Variants in FOXP1 observed in about 807,000 individuals in gnomAD.
The protein encoded by FOXP1 is forkhead box protein P1.
Under a neutral mutation model 98.2 loss-of-function variants are expected in FOXP1, and 15 were observed. The observed-to-expected ratio is 0.15, with a 90% CI of 0.10 to 0.24. The LOEUF is 0.24. Ranked by LOEUF, FOXP1 falls within the 10% of genes least tolerant of loss-of-function variation. The probability of loss-of-function intolerance (pLI) is 1.00; values close to 1 mark genes in which losing one functional copy is unlikely to be tolerated. For missense variants in FOXP1, 633 were observed against 848.5 expected (o/e 0.75, Z 3.15); for synonymous variants, 371 against 314.5 (o/e 1.18, Z -1.90).
At chr3:71,275,312 A>G (rs1347993444) in intron 5 of FOXP1, among the ~76,000 whole-genome samples, 7 of 152,114 alleles carry the variant, frequency 4.6e-5, no homozygotes, top group Non-Finnish European at 1.5e-5. Context: ...CCTGACAGAC[A>G]TTTATGGAAT....
At chr3:70,985,052 AT>A (rs1227787596) in intron 14 of FOXP1, among the ~76,000 whole-genome samples, 3 of 152,248 alleles carry the variant, frequency 2.0e-5, no homozygotes, top group Non-Finnish European at 2.9e-5. Flanking sequence ...ACAGCAAAGC[AT>A]TCTATCACTT....
intron 12 of FOXP1, among the ~76,000 whole-genome samples, chr3:71,003,824 C>T (rs144432826): frequency 3.9e-4 from 59 of 152,066 alleles, no homozygotes; most frequent in African/African-American, 1.3e-3. Flanking sequence ...TCACAAATAC[C>T]CTTTCATTTC....
intron 7 of FOXP1, among the ~76,000 whole-genome samples, chr3:71,072,447 C>A (rs1159822314): frequency 6.6e-6 from 1 of 152,098 alleles, no homozygotes; most frequent in Non-Finnish European, 1.5e-5. Flanking sequence ...GGAACAACAA[C>A]CAAAAAAATG....
chr3:71,579,632 C>CTTTTTTTTTTTTTTTTTTTTTT (rs35646548), intron 2 of FOXP1, among the ~76,000 whole-genome samples: 3 of 123,000 alleles, frequency 2.4e-5, no homozygotes, highest in Non-Finnish European at 4.9e-5. Context: ...TTTCTTTTTT[C>CTTTTTTTTTTTTTTTTTTTTTT]TTTTTTTTTT....
At chr3:71,227,853 A>G (rs1045192200) in intron 5 of FOXP1, among the ~76,000 whole-genome samples, 1 of 152,150 alleles carries the variant, frequency 6.6e-6, no homozygotes, top group African/African-American at 2.4e-5. Context: ...AAGAGGAAGG[A>G]GGAGTGCCTT....
At chr3:71,383,709 G>T (rs184100619) in intron 3 of FOXP1, among the ~76,000 whole-genome samples, 1 of 152,144 alleles carries the variant, frequency 6.6e-6, no homozygotes. Context: ...TTGACACATC[G>T]CTTGAAACAT....
chr3:71,575,117 T>TC (rs2107832883), intron 2 of FOXP1, among the ~76,000 whole-genome samples: 2 of 151,602 alleles, frequency 1.3e-5, no homozygotes, highest in South Asian at 4.2e-4. Context: ...CATCCAGGAG[T>TC]CGTGCAACTG....
chr3:71,459,650 T>C (rs559138844), intron 3 of FOXP1, among the ~76,000 whole-genome samples: 127 of 152,322 alleles, frequency 8.3e-4, no homozygotes, highest in Non-Finnish European at 1.5e-3. Flanking sequence ...CAAATAAATA[T>C]TCCATTCAAA....
chr3:71,167,599 CTG>C (rs1413855547), intron 6 of FOXP1, among the ~76,000 whole-genome samples: 1 of 152,176 alleles, frequency 6.6e-6, no homozygotes, highest in East Asian at 1.9e-4. Flanking sequence ...ATCTCTGACA[CTG>C]TGTGTCAGTG....
At chr3:71,146,677 C>T (rs760985309) in intron 6 of FOXP1, among the ~76,000 whole-genome samples, 7 of 151,044 alleles carry the variant, frequency 4.6e-5, no homozygotes, top group Non-Finnish European at 8.8e-5. Context: ...CTCCGAAATT[C>T]AGATACTTTT....
intron 5 of FOXP1, among the ~76,000 whole-genome samples, chr3:71,269,619 C>T (rs1349401753): frequency 1.3e-5 from 2 of 152,116 alleles, no homozygotes; most frequent in African/African-American, 2.4e-5. Flanking sequence ...GTAAGTAAAT[C>T]AAAGCTTTGA....
chr3:71,027,309 T>C (rs768549381), intron 11 of FOXP1, among the ~76,000 whole-genome samples: 2 of 152,202 alleles, frequency 1.3e-5, no homozygotes, highest in Admixed American at 6.5e-5. Context: ...CTCCCCAGTA[T>C]GCTATGGAAG....
chr3:71,241,392 T>C (rs913872728), intron 5 of FOXP1, among the ~76,000 whole-genome samples: 1 of 151,786 alleles, frequency 6.6e-6, no homozygotes, highest in African/African-American at 2.4e-5. Context: ...TAGGGGCGAG[T>C]GGAGAGCATT....
At chr3:71,583,856 C>T, upstream of FOXP1, 1 of 985,934 alleles carries the variant, frequency 1.0e-6, no homozygotes, top group Non-Finnish European at 1.2e-6. Context: ...CCCGGGGGCG[C>T]ACCCCGGCCC....
chr3:71,285,637 T>C lies in FOXP1; in HGVS notation c.-12+14183A>G, dbSNP rs57393999. On this transcript the variant is annotated intron_variant, in intron 5 of 20. Transcript: ENST00000649528. ...AGAAATTAAATCCGAGAAAGGGTCATGTACATAAAAATAATACACCTTGGT... is the reference window on the plus strand; with the variant it reads ...AGAAATTAAATCCGAGAAAGGGTCACGTACATAAAAATAATACACCTTGGT... Among the ~76,000 whole-genome samples, 817 of 152,356 alleles carry C rather than the reference T, an allele frequency of 5.4e-3. 7 individuals carry two copies. The highest frequency in any genetic ancestry group is 0.019 in the African/African-American group (783 of 41,588).
At chr3:71,094,278 CTT>C (rs1180804992) in intron 7 of FOXP1, among the ~76,000 whole-genome samples, 6 of 127,818 alleles carry the variant, frequency 4.7e-5, no homozygotes, top group Non-Finnish European at 8.3e-5. Flanking sequence ...TTTTTCTTTT[CTT>C]TTTTTTTTTT....
chr3:71,343,254 G>A (rs1378093902), intron 4 of FOXP1, among the ~76,000 whole-genome samples: 2 of 152,166 alleles, frequency 1.3e-5, no homozygotes, highest in Non-Finnish European at 2.9e-5. Context: ...ACAGAATGTA[G>A]CCTACTCTAA....
chr3:71,463,354 CAAAAAAAAA>C (rs60302484), intron 3 of FOXP1, among the ~76,000 whole-genome samples: 15 of 65,366 alleles, frequency 2.3e-4, no homozygotes, highest in South Asian at 6.0e-4. Context: ...GACACTGTCT[CAAAAAAAAA>C]AAAAAAAAAA....
At chr3:71,299,682 T>C (rs1036683160) in intron 5 of FOXP1, 138 bp downstream of exon 5, 2 of 152,532 alleles carry the variant, frequency 1.3e-5, no homozygotes, top group African/African-American at 2.4e-5. Flanking sequence ...CCTCCAAAAA[T>C]ACACCACATA....
Sources: gnomAD v4.1 joint callset for allele counts (sites outside exome capture counted in the v4.1 genomes callset) on GRCh38, gnomAD v4.1.1 for gene constraint, MANE v1.5 for transcripts, NCBI Gene and HGNC (gene_info 2026-07-23, HGNC 2026-07-21) for gene names.